SHBG: variants seen among roughly 807,000 people sequenced by gnomAD.
SHBG encodes sex hormone-binding globulin.
SHBG carries 37 observed loss-of-function variants against 41.9 expected under a neutral mutation model. That is an observed-to-expected ratio of 0.88 (90% CI 0.68 to 1.16). SHBG has a LOEUF of 1.16. Ranked by LOEUF, SHBG falls within the 50% of genes most tolerant of loss-of-function variation. The pLI, the probability that SHBG is intolerant of heterozygous loss-of-function variation, is 0.00. For synonymous variants in SHBG, 217 were observed against 205.8 expected, an observed-to-expected ratio of 1.05 and a Z score of -0.47; for missense variants, 466 against 499.9, an observed-to-expected ratio of 0.93 and a Z score of 0.65.
intron 1 of SHBG, among the ~76,000 whole-genome samples, chr17:7,617,239 C>G (rs1415674049): frequency 1.3e-5 from 2 of 151,798 alleles, no homozygotes; most frequent in African/African-American, 4.8e-5. Flanking sequence ...ACTTGGAAGT[C>G]TCTGACTTCA....
upstream of SHBG, chr17:7,627,155 C>A: frequency 6.2e-7 from 1 of 1,614,080 alleles, no homozygotes; most frequent in Non-Finnish European, 8.5e-7. This position sits in a 1 kb window ranked among gnomAD's most constrained non-coding sequence, Gnocchi z 4.8. Flanking sequence ...AGTAGCTTCC[C>A]GGGCGCTGGA....
exon 1 of SHBG, chr17:7,614,074 G>C (rs1027651808): frequency 4.1e-6 from 2 of 484,996 alleles, no homozygotes; most frequent in African/African-American, 3.9e-5. Flanking sequence ...AATTCTCCAT[G>C]TGCTTGGATC....
chr17:7,623,389 T>TCAAA (rs996738615), upstream of SHBG, among the ~76,000 whole-genome samples: 1 of 152,326 alleles, frequency 6.6e-6, no homozygotes, highest in Admixed American at 6.5e-5. Flanking sequence ...AAACTCCATC[T>TCAAA]CAAACAAACA....
At position 7,631,307 on chromosome 17, in the gene SHBG, C is replaced by T; in HGVS notation, c.501C>T (p.Ile167=). ...SGPLTSKRHP[I]MRIALGGLLF... is the part of the protein sequence containing the mutation. ...CCCTGACCAGCAAACGCCATCCCAT[C>T]ATGAGGATTGCGCTTGGGGGGCTGC... is the stretch of plus-strand genomic sequence containing the variant. The change falls in exon 4 of 8, where the codon ATC becomes ATT. Residue 167 remains isoleucine, a synonymous_variant. Transcript: ENST00000380450. The T allele has an allele frequency of 1.2e-6, 2 of 1,613,906 alleles. No individual in the cohort carries two copies. The highest frequency in any genetic ancestry group is 1.1e-5 in the South Asian group (1 of 91,040).
chr17:7,632,937 T>A lies in SHBG; in HGVS notation c.1038T>A (p.Arg346=). The change falls in exon 7 of 8, where the codon CGT becomes CGA. Residue 346 remains arginine, a synonymous_variant. Transcript: ENST00000380450. ...LLNLWAKPQG[R]LFLGALPGED... ...ACCTCTGGGCCAAGCCTCAAGGGCG[T>A]CTCTTCCTGGGGGCTTTACCAGGTA... 2 of 1,613,988 alleles carry A rather than the reference T, an allele frequency of 1.2e-6. No individual in the cohort carries two copies. Among genetic ancestry groups the A allele is most frequent in the Non-Finnish European group, 1.7e-6 (2 of 1,179,962 alleles).
At chr17:7,626,810 G>A (rs374451701), upstream of SHBG, 34 of 1,613,842 alleles carry the variant, frequency 2.1e-5, no homozygotes, top group Non-Finnish European at 2.8e-5. Context: ...TGGAGAGAAA[G>A]AGGCAAAAAA....
At position 7,632,833 on chromosome 17, in the gene SHBG, A is replaced by C. The variant is rs1403971319; in HGVS notation, c.934A>C (p.Met312Leu). 2 of 1,614,190 alleles carry C rather than the reference A, an allele frequency of 1.2e-6. No homozygotes were observed. The highest frequency in any genetic ancestry group is 2.2e-5 in the South Asian group (2 of 91,080). The stretch of plus-strand genomic sequence containing the variant: ...ACTCCCTCTTCAGCTGAAGCTGAGT[A>C]TGTCCAGGGTGGTCTTGAGCCAAGG... Reference protein sequence around the residue: ...LGLPLQLKLSMSRVVLSQGSK... With the variant: ...LGLPLQLKLSLSRVVLSQGSK... Residue 312 changes from methionine (M) to leucine (L), a missense_variant, in exon 7 of 8, where the codon ATG (methionine) becomes CTG (leucine). Transcript: ENST00000380450.
At chr17:7,614,894 C>T (rs936718751) in intron 1 of SHBG, 3 of 154,328 alleles carry the variant, frequency 1.9e-5, no homozygotes, top group Non-Finnish European at 2.9e-5. Context: ...CCGCCGCCTA[C>T]TGCGCAGGCG....
chr17:7,618,464 GTTTTTGT>G (rs869289709), intron 1 of SHBG, among the ~76,000 whole-genome samples: 98 of 150,758 alleles, frequency 6.5e-4, no homozygotes, highest in African/African-American at 2.1e-3. Flanking sequence ...TTTTGTTTTT[GTTTTTGT>G]TTTTTTTGTA....
Position 7,632,962 on chromosome 17 carries a change from A to C in SHBG, c.1060+3A>C. The C allele has an allele frequency of 6.2e-7, 1 of 1,612,260 alleles. No homozygotes were observed. The highest frequency in any genetic ancestry group is 8.5e-7 in the Non-Finnish European group (1 of 1,178,512). On this transcript the variant is annotated splice_donor_region_variant and intron_variant, in intron 7 of 7. Coordinates refer to ENST00000380450, the MANE Select transcript of SHBG (RefSeq NM_001040.5). Reference sequence around the variant, plus strand: ...TCTCTTCCTGGGGGCTTTACCAGGTAAGAGAGAATGATGTTCAAGTTCATG... The same window carrying C: ...TCTCTTCCTGGGGGCTTTACCAGGTCAGAGAGAATGATGTTCAAGTTCATG...
chr17:7,631,761 G>A lies in SHBG; in HGVS notation c.715+13G>A, dbSNP rs201565480. 7.4e-6 allele frequency: 12 copies of A among 1,613,686 alleles called. No homozygotes were observed. Among genetic ancestry groups the A allele is most frequent in the East Asian group, 4.5e-5 (2 of 44,886 alleles). On this transcript the variant is annotated intron_variant, in intron 5 of 7. Coordinates refer to ENST00000380450, the MANE Select transcript of SHBG (RefSeq NM_001040.5). ...TTCAATCTCCGAGGTAGATTTCCTC[G>A]GAGTCTATTTTTCCCACCCTGGCCA...
At chr17:7,614,357 C>A in intron 1 of SHBG, 1 of 922,400 alleles carries the variant, frequency 1.1e-6, no homozygotes, top group East Asian at 2.7e-5. Context: ...AGGGCCAGGA[C>A]TCAGCTCCAG....
At chr17:7,627,153 C>T (rs375998411), upstream of SHBG, 17 of 1,613,978 alleles carry the variant, frequency 1.1e-5, no homozygotes, top group Non-Finnish European at 1.4e-5. This position sits in a 1 kb window ranked among gnomAD's most constrained non-coding sequence, Gnocchi z 4.8. Flanking sequence ...CCAGTAGCTT[C>T]CCGGGCGCTG....
At chr17:7,632,652 G>A (rs2072455468) in intron 6 of SHBG, 100 bp from the exon 7 acceptor site, 3 of 920,302 alleles carry the variant, frequency 3.3e-6, no homozygotes, top group Admixed American at 3.6e-5. Context: ...GAGGCATAGC[G>A]AAGAGGCAGA....
exon 1 of SHBG, chr17:7,614,079 T>C (rs889080753): frequency 2.0e-6 from 1 of 489,724 alleles, no homozygotes; most frequent in African/African-American, 1.9e-5. Context: ...TCCATGTGCT[T>C]GGATCGTGGG....
rs1483817885 is a variant in SHBG at position 7,630,683 on chromosome 17, C to T, written c.207C>T (p.Thr69=). The T allele has an allele frequency of 8.7e-6, 14 of 1,613,156 alleles. No homozygotes were observed. The highest frequency in any genetic ancestry group is 1.1e-5 in the Non-Finnish European group (13 of 1,179,366). ...MTFDLTKITK[T]SSSFEVRTWD... ...CTTTCCTTCTGTGTCCTTCCAGAAC[C>T]TCCTCCTCCTTTGAGGTTCGAACCT... The change falls in exon 3 of 8, where the codon ACC becomes ACT. Residue 69 remains threonine, a synonymous_variant. Transcript: ENST00000380450. This position sits in a 1 kb window ranked among gnomAD's most constrained non-coding sequence, Gnocchi z 4.6.
intron 1 of SHBG, among the ~76,000 whole-genome samples, chr17:7,619,128 C>A (rs1172874399): frequency 1.3e-5 from 2 of 152,138 alleles, no homozygotes; most frequent in South Asian, 2.1e-4. Context: ...TGGTGGCTCA[C>A]ACCTGTAATC....
upstream of SHBG, chr17:7,627,888 G>A (rs1044424173): frequency 1.1e-5 from 7 of 626,184 alleles, no homozygotes; most frequent in African/African-American, 1.3e-4. The surrounding 1 kb of genome is among the most constrained non-coding windows in gnomAD (Gnocchi z 4.8). Flanking sequence ...TCGCAGCAGG[G>A]GGCACAACTG....
At chr17:7,617,772 T>C (rs1371643378) in intron 1 of SHBG, among the ~76,000 whole-genome samples, 1 of 151,944 alleles carries the variant, frequency 6.6e-6, no homozygotes, top group Non-Finnish European at 1.5e-5. Flanking sequence ...CTAAAATCAA[T>C]AGTAATAATT....
Sources: gnomAD v4.1 joint callset for allele counts (sites outside exome capture counted in the v4.1 genomes callset) on GRCh38, gnomAD v4.1.1 for gene constraint, Gnocchi (gnomAD v3.1) non-coding constraint, MANE v1.5 for transcripts, NCBI Gene and HGNC (gene_info 2026-07-23, HGNC 2026-07-21) for gene names.